CCND3: variants seen among roughly 807,000 people sequenced by gnomAD.
CCND3 encodes cyclin D3, also known as G1/S-specific cyclin-D3.
CCND3 carries 9 observed loss-of-function variants against 28.7 expected under a neutral mutation model. The observed-to-expected ratio is 0.31, with a 90% CI of 0.19 to 0.55. CCND3 has a LOEUF of 0.55. Among genes scored for constraint, CCND3 ranks in the 20% least tolerant of loss-of-function variants. The probability of loss-of-function intolerance (pLI) is 0.93; values close to 1 mark genes in which losing one functional copy is unlikely to be tolerated. For missense variants in CCND3, 315 were observed against 385.8 expected (o/e 0.82, Z 1.54); for synonymous variants, 164 against 163.9 (o/e 1.00, Z 0.00).
rs67939325 is a variant in CCND3 at position 41,990,660 on chromosome 6, A to ATTTTTTTTTTTTTTTT, written c.-45-50091_-45-50076dup. Among the ~76,000 whole-genome samples, 4 of 121,276 alleles carry ATTTTTTTTTTTTTTTT rather than the reference A, an allele frequency of 3.3e-5. 2 individuals carry two copies. Among genetic ancestry groups the ATTTTTTTTTTTTTTTT allele is most frequent in the African/African-American group, 6.3e-5 (2 of 31,638 alleles). The allele number at this position is 121,276 out of a possible 152,430, so 79.6% of individuals were successfully genotyped here. ...TAGTCCATGAATCTATAACCAACTG[A>ATTTTTTTTTTTTTTTT]TTTTTTTTTTTTTTTTTTTTTTTTT... is the stretch of plus-strand genomic sequence containing the variant. On this transcript the variant is annotated intron_variant, in intron 1 of 4. Transcript: ENST00000372988.
intron 1 of CCND3, among the ~76,000 whole-genome samples, chr6:42,037,779 T>C (rs1464764499): frequency 6.6e-6 from 1 of 151,480 alleles, no homozygotes; most frequent in Non-Finnish European, 1.5e-5. Flanking sequence ...GCGCCTGTAA[T>C]CACAGCACTT....
intron 1 of CCND3, among the ~76,000 whole-genome samples, chr6:42,000,033 T>TATATAGGC (rs1161723736): frequency 3.4e-5 from 3 of 88,980 alleles, no homozygotes; most frequent in Non-Finnish European, 4.5e-5. Context: ...TAGATATATT[T>TATATAGGC]ATATAGGCCT....
intron 1 of CCND3, among the ~76,000 whole-genome samples, chr6:41,970,753 C>T (rs1762012596): frequency 6.6e-6 from 1 of 152,178 alleles, no homozygotes; most frequent in African/African-American, 2.4e-5. Flanking sequence ...GGGTGCCCAA[C>T]TGACAGTGCC....
chr6:42,022,118 T>G (rs1335316527), intron 1 of CCND3, among the ~76,000 whole-genome samples: 2 of 152,210 alleles, frequency 1.3e-5, no homozygotes, highest in Non-Finnish European at 2.9e-5. Flanking sequence ...TGATCTCAAT[T>G]TTCAGATTGA....
intron 1 of CCND3, among the ~76,000 whole-genome samples, chr6:41,966,815 T>C (rs1015239939): frequency 1.3e-5 from 2 of 152,200 alleles, no homozygotes; most frequent in African/African-American, 4.8e-5. Flanking sequence ...GATTTATTAA[T>C]TTATTCACTC....
chr6:42,016,494 T>C (rs1421588220), intron 1 of CCND3, among the ~76,000 whole-genome samples: 1 of 152,038 alleles, frequency 6.6e-6, no homozygotes, highest in Non-Finnish European at 1.5e-5. Flanking sequence ...TCACTGACAG[T>C]TGGGAAGTAT....
intron 1 of CCND3, among the ~76,000 whole-genome samples, chr6:41,970,132 A>C (rs943632234): frequency 1.3e-5 from 2 of 152,088 alleles, no homozygotes; most frequent in Non-Finnish European, 2.9e-5. Context: ...CGAGGTCAAG[A>C]GATTGAGACC....
At chr6:42,024,427 A>C (rs1431517187) in intron 1 of CCND3, among the ~76,000 whole-genome samples, 1 of 144,316 alleles carries the variant, frequency 6.9e-6, no homozygotes, top group African/African-American at 2.6e-5. Context: ...ATAATAATTC[A>C]CCCTGATAAC....
chr6:41,973,905 G>A (rs746449419), intron 1 of CCND3, among the ~76,000 whole-genome samples: 16 of 152,134 alleles, frequency 1.1e-4, no homozygotes, highest in Non-Finnish European at 2.2e-4. Context: ...CCTAGTGGGC[G>A]GGCGCAGTGG....
At position 41,959,929 on chromosome 6, in the gene CCND3, C is replaced by G. The variant is rs146545971; in HGVS notation, c.-45-19344G>C. The stretch of plus-strand genomic sequence containing the variant: ...TGAGATCGCGACACTGCACTCCAAC[C>G]TGGGCAACAGAGCGAGACTCCGTCT... On this transcript the variant is annotated intron_variant, in intron 1 of 4. Coordinates refer to the CCND3 transcript ENST00000372988. Among the ~76,000 whole-genome samples, 200 of 146,298 alleles carry G rather than the reference C, an allele frequency of 1.4e-3. 1 individual carries two copies. Among genetic ancestry groups the G allele is most frequent in the Admixed American group, 6.0e-3 (86 of 14,280 alleles).
chr6:42,018,540 G>C (rs1006105462), intron 1 of CCND3: 15 of 152,082 alleles, frequency 9.9e-5, no homozygotes, highest in African/African-American at 2.4e-5. Context: ...TATTTAACTT[G>C]AGAGATCTCA....
chr6:41,991,002 G>A (rs1762630861), intron 1 of CCND3, among the ~76,000 whole-genome samples: 1 of 151,476 alleles, frequency 6.6e-6, no homozygotes. Flanking sequence ...TTTTGACAAA[G>A]GTGCCAAGAA....
intron 1 of CCND3, among the ~76,000 whole-genome samples, chr6:42,014,076 A>G (rs1475180865): frequency 3.6e-5 from 5 of 137,428 alleles, no homozygotes; most frequent in Non-Finnish European, 7.9e-5. Context: ...ATCTCAAAAA[A>G]CAAACAAGGC....
intron 1 of CCND3, among the ~76,000 whole-genome samples, chr6:41,988,320 T>C (rs1234324800): frequency 1.3e-5 from 2 of 151,972 alleles, no homozygotes; most frequent in East Asian, 1.9e-4. Flanking sequence ...CAAAACATAA[T>C]AATAATAAAA....
chr6:42,000,566 T>TTTTTTTTC (rs1762974922), intron 1 of CCND3, among the ~76,000 whole-genome samples: 2 of 125,886 alleles, frequency 1.6e-5, no homozygotes, highest in Non-Finnish European at 3.4e-5. Context: ...AAACGAATCT[T>TTTTTTTTC]TTTTTTTTTT....
chr6:42,029,063 A>G (rs1763969882), intron 1 of CCND3, among the ~76,000 whole-genome samples: 1 of 151,068 alleles, frequency 6.6e-6, no homozygotes, highest in South Asian at 2.1e-4. Context: ...TGCAGCCTCG[A>G]ACTCCTGAGT....
In CCND3 at chr6:42,001,843, G is replaced by A. The variant is rs372471750; in HGVS notation, c.-46+46658C>T. ...TGTCAAAATTCATAGGGCCGGGCAC[G>A]GTAGCTCATGCCTATAATCCCAGAA... is the stretch of plus-strand genomic sequence containing the variant. On this transcript the variant is annotated intron_variant, in intron 1 of 4. Coordinates refer to the CCND3 transcript ENST00000372988. Among the ~76,000 whole-genome samples, 56 of 152,258 alleles carry A rather than the reference G, an allele frequency of 3.7e-4. No individual in the cohort carries two copies. The East Asian group carries it at 9.6e-3, about 26-fold the overall frequency.
chr6:41,941,364 G>C lies in CCND3; in HGVS notation c.198+88C>G. ...TTAGCCTCGGAGCATCCTGCAGATT[G>C]CTGTGGGGACCGGGATGTCCCGACA... is the stretch of plus-strand genomic sequence containing the variant. On this transcript the variant is annotated intron_variant, in intron 1 of 4. Transcript: ENST00000372991. The surrounding 1 kb of genome is among the most constrained non-coding windows in gnomAD (Gnocchi z 6.1). 1 of 1,555,526 alleles carries C rather than the reference G, an allele frequency of 6.4e-7. No homozygotes were observed. The highest frequency in any genetic ancestry group is 8.7e-7 in the Non-Finnish European group (1 of 1,155,224).
At chr6:41,985,304 CTTTTTTTTTTTTTT>C (rs56672487) in intron 1 of CCND3, among the ~76,000 whole-genome samples, 2 of 53,322 alleles carry the variant, frequency 3.8e-5, no homozygotes, top group Admixed American at 5.8e-4. Context: ...CAGTTCAAGT[CTTTTTTTTTTTTTT>C]TTTTTTTTTT....
Sources: gnomAD v4.1 joint callset for allele counts (sites outside exome capture counted in the v4.1 genomes callset) on GRCh38, gnomAD v4.1.1 for gene constraint, Gnocchi (gnomAD v3.1) non-coding constraint, MANE v1.5 for transcripts, NCBI Gene and HGNC (gene_info 2026-07-23, HGNC 2026-07-21) for gene names.